Variants in FTO observed in about 807,000 individuals in gnomAD.
The protein encoded by FTO is alpha-ketoglutarate-dependent dioxygenase FTO.
FTO carries 47 observed loss-of-function variants against 63.9 expected under a neutral mutation model. The observed-to-expected ratio is 0.74, with a 90% confidence interval of 0.58 to 0.94. The LOEUF (loss-of-function observed/expected upper bound fraction) is 0.94, where lower values mean the gene tolerates loss of function less well. Among genes scored for constraint, FTO ranks in the 40% least tolerant of loss-of-function variants. FTO has a pLI of 0.00. For missense variants in FTO, 562 were observed against 618.1 expected (o/e 0.91, Z 0.96); for synonymous variants, 207 against 224.4 (o/e 0.92, Z 0.69).
chr16:54,066,775 T>A (rs1182880074), intron 8 of FTO, among the ~76,000 whole-genome samples: 3 of 152,140 alleles, frequency 2.0e-5, no homozygotes, highest in Non-Finnish European at 4.4e-5. Flanking sequence ...AGGAAAGGTG[T>A]CCCTGCCAGT....
intron 7 of FTO, among the ~76,000 whole-genome samples, chr16:53,918,857 G>T (rs2081944366): frequency 6.6e-6 from 1 of 152,168 alleles, no homozygotes; most frequent in East Asian, 1.9e-4. Flanking sequence ...CCTGGAGTTA[G>T]AACACCTGGT....
At chr16:53,888,685 A>G (rs915093177) in intron 6 of FTO, 147 bp from the exon 7 acceptor site, 56 of 853,076 alleles carry the variant, frequency 6.6e-5, no homozygotes, top group Non-Finnish European at 9.6e-5. Context: ...GCCAGCTTAC[A>G]CTGGGAACTG....
chr16:53,758,955 A>G (rs1474653818), intron 1 of FTO, among the ~76,000 whole-genome samples: 1 of 152,220 alleles, frequency 6.6e-6, no homozygotes, highest in Non-Finnish European at 1.5e-5. Flanking sequence ...CTAAATAATT[A>G]CAATTTGAAT....
At chr16:54,098,787 G>A (rs945162259) in intron 8 of FTO, among the ~76,000 whole-genome samples, 2 of 152,036 alleles carry the variant, frequency 1.3e-5, no homozygotes, top group Admixed American at 6.6e-5. Flanking sequence ...AACTGTATTC[G>A]TTACTTACAT....
Position 54,049,608 on chromosome 16 carries a change from T to C in FTO, c.1365-62154T>C, listed in dbSNP as rs146285073. ...TGAGGAAATACCAGATGAAATGAAATACTTGTCTTTGTATCTTTGCATTTA... is the reference window on the plus strand; with the variant it reads ...TGAGGAAATACCAGATGAAATGAAACACTTGTCTTTGTATCTTTGCATTTA... On this transcript the variant is annotated intron_variant, in intron 8 of 8. Transcript: ENST00000471389. Among the ~76,000 whole-genome samples, 57 of 152,342 alleles carry C rather than the reference T, an allele frequency of 3.7e-4. No individual in the cohort carries two copies. In the East Asian group the frequency reaches 9.5e-3, roughly 25 times the overall value.
At chr16:53,792,403 G>A (rs1307117063) in intron 1 of FTO, among the ~76,000 whole-genome samples, 3 of 152,168 alleles carry the variant, frequency 2.0e-5, no homozygotes, top group Non-Finnish European at 4.4e-5. Context: ...CTGTGCTTTG[G>A]AAACAGCCGA....
chr16:53,739,854 A>G (rs904522592), intron 1 of FTO, among the ~76,000 whole-genome samples: 5 of 152,136 alleles, frequency 3.3e-5, no homozygotes, highest in African/African-American at 9.7e-5. Flanking sequence ...TGTAATAGTT[A>G]TATTGTCTTC....
At chr16:53,884,000 T>C (rs2080931660) in intron 6 of FTO, among the ~76,000 whole-genome samples, 1 of 152,236 alleles carries the variant, frequency 6.6e-6, no homozygotes, top group South Asian at 2.1e-4. Flanking sequence ...GTTTCTTTCT[T>C]GCTTGCCTCT....
intron 6 of FTO, 78 bp from the exon 7 acceptor site, chr16:53,888,754 A>G (rs2081073638): frequency 6.6e-7 from 1 of 1,503,886 alleles, no homozygotes; most frequent in Non-Finnish European, 9.3e-7. Flanking sequence ...CTGGAGGAGA[A>G]TTAAGAGACG....
intron 8 of FTO, among the ~76,000 whole-genome samples, chr16:54,108,819 G>A (rs1278042937): frequency 1.3e-5 from 2 of 152,120 alleles, no homozygotes. Flanking sequence ...TGCCCAAGAC[G>A]TCATGCCCCT....
chr16:53,822,266 C>G (rs993207200), intron 2 of FTO, among the ~76,000 whole-genome samples: 1 of 152,198 alleles, frequency 6.6e-6, no homozygotes, highest in Non-Finnish European at 1.5e-5. Flanking sequence ...ACGTACTCAT[C>G]TGCCTACTAT....
At chr16:53,996,576 G>A (rs2083936408) in intron 8 of FTO, among the ~76,000 whole-genome samples, 1 of 152,172 alleles carries the variant, frequency 6.6e-6, no homozygotes, top group Admixed American at 6.5e-5. Context: ...ACAATTACCT[G>A]AGAGTATGAG....
At chr16:53,736,656 T>C (rs2076397134) in intron 1 of FTO, among the ~76,000 whole-genome samples, 1 of 152,240 alleles carries the variant, frequency 6.6e-6, no homozygotes, top group African/African-American at 2.4e-5. Flanking sequence ...TTTTTGCCAA[T>C]TTCTGTTTCA....
intron 7 of FTO, among the ~76,000 whole-genome samples, chr16:53,893,904 C>A (rs1205809199): frequency 1.3e-5 from 2 of 152,094 alleles, no homozygotes; most frequent in Non-Finnish European, 2.9e-5. Flanking sequence ...TGGCAGTTGG[C>A]CTTAATAACC....
At chr16:53,889,055 T>TAA in intron 7 of FTO, 104 bp downstream of exon 7, 1 of 1,324,206 alleles carries the variant, frequency 7.6e-7, no homozygotes, top group Non-Finnish European at 1.1e-6. Context: ...TATTCCTAAT[T>TAA]ATCAAGTTAG....
In FTO at chr16:54,115,789, T is replaced by A. The variant is rs2086970833; in HGVS notation, c.*3874T>A. On this transcript the variant is annotated 3_prime_UTR_variant, in exon 9 of 9. Coordinates refer to ENST00000471389, the MANE Select transcript of FTO (RefSeq NM_001080432.3). ...CATGGAAGTAACTTGGTGAGATATT[T>A]TTATGCATTAGATCATCGCTCTATC... 1 of 152,210 alleles carries A rather than the reference T, an allele frequency of 6.6e-6. No homozygotes were observed. Among genetic ancestry groups the A allele is most frequent in the Admixed American group, 6.5e-5 (1 of 15,282 alleles). The allele number at this position is 152,210 out of a possible 1,614,324, so 9.4% of individuals were successfully genotyped here. A position where few individuals can be genotyped will look rare whatever the true frequency, so the allele number is the denominator to read the frequency against.
chr16:53,866,052 T>A lies in FTO; in HGVS notation c.896-7734T>A, dbSNP rs551237120. 3.9e-5 allele frequency among the ~76,000 whole-genome samples: 6 copies of A among 152,316 alleles called. No individual in the cohort carries two copies. The South Asian group carries it at 1.2e-3, about 32-fold the overall frequency. On this transcript the variant is annotated intron_variant, in intron 4 of 8. Transcript: ENST00000471389. ...TGCAGGTTTCCTTACACATTCTTTA[T>A]ATGTTGAGGAAGTTCTTCTCTATTT...
chr16:53,854,237 A>G (rs1440398690), intron 4 of FTO, among the ~76,000 whole-genome samples: 2 of 151,932 alleles, frequency 1.3e-5, no homozygotes, highest in Admixed American at 1.3e-4. Context: ...TAGCTTGCAA[A>G]TATTTTCTCC....
At chr16:53,971,798 A>G (rs1225624162) in intron 8 of FTO, among the ~76,000 whole-genome samples, 3 of 152,192 alleles carry the variant, frequency 2.0e-5, no homozygotes, top group South Asian at 2.1e-4. Flanking sequence ...CTGGTGAACC[A>G]CAAGCTCAGG....
Sources: gnomAD v4.1 joint callset for allele counts (sites outside exome capture counted in the v4.1 genomes callset) on GRCh38, gnomAD v4.1.1 for gene constraint, MANE v1.5 for transcripts, NCBI Gene and HGNC (gene_info 2026-07-23, HGNC 2026-07-21) for gene names.